BAZ1B: variants seen among roughly 807,000 people sequenced by gnomAD.
BAZ1B encodes the protein bromodomain adjacent to zinc finger domain 1B.
BAZ1B carries 22 observed loss-of-function variants against 153.8 expected under a neutral mutation model. That is an observed-to-expected ratio of 0.14 (90% CI 0.10 to 0.20). The LOEUF is 0.20. BAZ1B is among the 10% of genes least tolerant of loss of function. The pLI is 1.00. For missense variants in BAZ1B, 1,325 were observed against 1,799.3 expected (o/e 0.74, Z 4.77); for synonymous variants, 676 against 633.4 (o/e 1.07, Z -1.01).
At chr7:73,468,076 A>T (rs933307117) in intron 9 of BAZ1B, among the ~76,000 whole-genome samples, 1 of 152,236 alleles carries the variant, frequency 6.6e-6, no homozygotes, top group Non-Finnish European at 1.5e-5. Context: ...CTCTAAAATG[A>T]ATTACTTTTT....
chr7:73,465,303 A>G (rs1788539586), intron 11 of BAZ1B, 136 bp downstream of exon 11: 1 of 542,048 alleles, frequency 1.8e-6, no homozygotes. Context: ...ATACCAGGCA[A>G]TATGAACACA....
chr7:73,516,163 T>C (rs540780597), intron 1 of BAZ1B, among the ~76,000 whole-genome samples: 1 of 151,400 alleles, frequency 6.6e-6, no homozygotes, highest in African/African-American at 2.4e-5. Context: ...AAGAGAAAAA[T>C]GTGGTTTTCT....
chr7:73,508,283 C>T (rs1270705277), intron 3 of BAZ1B, 44 bp downstream of exon 3: 1 of 1,600,816 alleles, frequency 6.2e-7, no homozygotes, highest in Non-Finnish European at 8.5e-7. Flanking sequence ...GATGACAGCT[C>T]TAATTCTGAT....
At chr7:73,459,387 AT>A in intron 13 of BAZ1B, 148 bp downstream of exon 13, 1 of 797,754 alleles carries the variant, frequency 1.3e-6, no homozygotes, top group South Asian at 1.9e-5. Flanking sequence ...GTAGAAAGTG[AT>A]TAAAAAAAAA....
chr7:73,499,294 C>T (rs1790035120), intron 3 of BAZ1B, among the ~76,000 whole-genome samples: 1 of 152,158 alleles, frequency 6.6e-6, no homozygotes, highest in African/African-American at 2.4e-5. Flanking sequence ...TCCCAAAGGG[C>T]TGGGATTACA....
intron 4 of BAZ1B, among the ~76,000 whole-genome samples, chr7:73,495,567 A>C (rs1306901906): frequency 6.6e-6 from 1 of 152,226 alleles, no homozygotes; most frequent in Non-Finnish European, 1.5e-5. Context: ...AAGAGATATG[A>C]GTGACCAACA....
chr7:73,444,600 C>G (rs1554565933), intron 16 of BAZ1B, among the ~76,000 whole-genome samples: 1 of 152,206 alleles, frequency 6.6e-6, no homozygotes, highest in East Asian at 1.9e-4. Flanking sequence ...TCTACACTTA[C>G]CATCAGAATC....
chr7:73,503,131 A>T (rs1790203001), intron 3 of BAZ1B, among the ~76,000 whole-genome samples: 1 of 152,186 alleles, frequency 6.6e-6, no homozygotes, highest in South Asian at 2.1e-4. Context: ...ATCCTTAGTC[A>T]AAGGGTATGT....
chr7:73,443,528 TTC>T (rs1787709322), intron 17 of BAZ1B, among the ~76,000 whole-genome samples: 1 of 64,242 alleles, frequency 1.6e-5, no homozygotes, highest in African/African-American at 3.0e-5. Context: ...TTTCAAGAGT[TTC>T]TTTTTTGTTC....
chr7:73,472,785 T>C (rs1788858670), intron 7 of BAZ1B, among the ~76,000 whole-genome samples: 1 of 150,778 alleles, frequency 6.6e-6, no homozygotes, highest in African/African-American at 2.4e-5. Flanking sequence ...TGAGATGGAG[T>C]CTCGCTCTAT....
At chr7:73,449,932 C>T (rs1433012586) in intron 14 of BAZ1B, among the ~76,000 whole-genome samples, 1 of 152,168 alleles carries the variant, frequency 6.6e-6, no homozygotes, top group East Asian at 1.9e-4. Flanking sequence ...ATGGCTATGA[C>T]AGAACAGTTA....
intron 5 of BAZ1B, 112 bp from the exon 6 acceptor site, chr7:73,489,503 A>G (rs1789549747): frequency 9.4e-7 from 1 of 1,066,170 alleles, no homozygotes; most frequent in Non-Finnish European, 1.4e-6. Flanking sequence ...CTATATCAAC[A>G]GGGCTACAAA....
intron 3 of BAZ1B, among the ~76,000 whole-genome samples, chr7:73,500,243 A>T (rs1334170461): frequency 6.6e-6 from 1 of 152,256 alleles, no homozygotes; most frequent in Non-Finnish European, 1.5e-5. Flanking sequence ...ACTGTTAAGA[A>T]AACAAAAACA....
At chr7:73,451,513 G>A (rs956386722) in intron 13 of BAZ1B, among the ~76,000 whole-genome samples, 3 of 152,186 alleles carry the variant, frequency 2.0e-5, no homozygotes, top group East Asian at 3.8e-4. Flanking sequence ...ATTCTGTTCC[G>A]AAGTGGGGTA....
intron 3 of BAZ1B, among the ~76,000 whole-genome samples, chr7:73,506,591 C>T (rs1012581862): frequency 1.3e-5 from 2 of 151,388 alleles, no homozygotes; most frequent in African/African-American, 4.9e-5. Flanking sequence ...CAGTGACTCA[C>T]GCCTGTAATC....
At chr7:73,472,419 C>T (rs1254034581) in intron 7 of BAZ1B, among the ~76,000 whole-genome samples, 1 of 151,794 alleles carries the variant, frequency 6.6e-6, no homozygotes, top group Admixed American at 6.6e-5. Flanking sequence ...TCACCACGCC[C>T]GGCTAATTTT....
intron 4 of BAZ1B, among the ~76,000 whole-genome samples, chr7:73,495,820 G>C (rs782520392): frequency 3.3e-5 from 5 of 152,194 alleles, no homozygotes; most frequent in Non-Finnish European, 7.3e-5. Flanking sequence ...GTAAGTGGGA[G>C]CTAAATGATG....
rs535140552 is a variant in BAZ1B at position 73,485,609 on chromosome 7, C to A, written c.891+3585G>T. 1.3e-3 allele frequency among the ~76,000 whole-genome samples: 162 copies of A among 129,058 alleles called. 1 individual carries two copies. Among genetic ancestry groups the A allele is most frequent in the African/African-American group, 4.6e-3 (154 of 33,676 alleles). The allele number at this position is 129,058 out of a possible 152,430, so 84.7% of individuals were successfully genotyped here. ...CACTGCTCTCTAACCTGGGAGACAG[C>A]ATAAGGCCTACCTCAGAAAAAAAAA... On this transcript the variant is annotated intron_variant, in intron 6 of 19. Transcript: ENST00000339594.
Position 73,449,671 on chromosome 7 carries a change from A to T in BAZ1B, c.3599T>A (p.Ile1200Asn). ...GGCTTTATTACACTCATCACACAAG[A>T]TCAATTTGTCATCCTCACCTGCAGA... ...CRKKGEDDKL[I>N]LCDECNKAFH... The change falls in exon 15 of 20, where the codon ATC becomes AAC. Residue 1200 changes from isoleucine (I) to asparagine (N), a missense_variant. Physicochemically the swap from Ile to Asn is moderately radical, Grantham distance 149. Transcript: ENST00000339594. 1 of 1,613,968 alleles carries T rather than the reference A, an allele frequency of 6.2e-7. No homozygotes were observed. The highest frequency in any genetic ancestry group is 8.5e-7 in the Non-Finnish European group (1 of 1,179,968).
Sources: gnomAD v4.1 joint callset for allele counts (sites outside exome capture counted in the v4.1 genomes callset) on GRCh38, gnomAD v4.1.1 for gene constraint, MANE v1.5 for transcripts, NCBI Gene and HGNC (gene_info 2026-07-23, HGNC 2026-07-21) for gene names.